Variants in SLC48A1 observed in about 807,000 individuals in gnomAD.
SLC48A1 encodes solute carrier family 48 member 1, also known as heme transporter HRG1.
A neutral mutation model predicts 14.8 loss-of-function variants in SLC48A1; 6 were observed. The ratio of observed to expected loss-of-function variants is 0.41; its 90% CI spans 0.22 to 0.80. The LOEUF (loss-of-function observed/expected upper bound fraction) is 0.80. Ranked by LOEUF, SLC48A1 falls within the 30% of genes least tolerant of loss-of-function variation. The pLI, the probability that SLC48A1 is intolerant of heterozygous loss-of-function variation, is 0.34. For missense variants in SLC48A1, 165 were observed against 204.8 expected, an observed-to-expected ratio of 0.81 and a Z score of 1.19; for synonymous variants, 89 against 90.0, an observed-to-expected ratio of 0.99 and a Z score of 0.06.
intron 1 of SLC48A1, chr12:47,759,199 A>C: frequency 2.6e-6 from 2 of 761,746 alleles, no homozygotes; most frequent in Non-Finnish European, 3.2e-6. Context: ...AATGCAAACA[A>C]GGAAACCGGG....
At chr12:47,757,586 C>A (rs1042818352), upstream of SLC48A1, among the ~76,000 whole-genome samples, 3 of 152,218 alleles carry the variant, frequency 2.0e-5, no homozygotes, top group Non-Finnish European at 2.9e-5. Context: ...TCAATGCCGG[C>A]TCACTGAGGT....
At chr12:47,755,107 T>G (rs535001348), upstream of SLC48A1, among the ~76,000 whole-genome samples, 32 of 152,244 alleles carry the variant, frequency 2.1e-4, no homozygotes, top group South Asian at 6.4e-3. Context: ...GTGTTACTGT[T>G]CGTAGCAAGA....
At chr12:47,767,200 G>C (rs960625715), upstream of SLC48A1, among the ~76,000 whole-genome samples, 2 of 151,882 alleles carry the variant, frequency 1.3e-5, no homozygotes, top group Admixed American at 1.3e-4. Context: ...GGGGTGGGGG[G>C]GTGGAGGGGC....
upstream of SLC48A1, among the ~76,000 whole-genome samples, chr12:47,772,905 A>C (rs1336282537): frequency 6.6e-6 from 1 of 152,202 alleles, no homozygotes; most frequent in African/African-American, 2.4e-5. Flanking sequence ...TTAACAAGAA[A>C]TTTTAATTTT....
intron 1 of SLC48A1, among the ~76,000 whole-genome samples, chr12:47,773,907 G>T (rs1942685500): frequency 6.6e-6 from 1 of 152,268 alleles, no homozygotes; most frequent in African/African-American, 2.4e-5. Context: ...AGGGCAGAGA[G>T]GGAAGAAGTG....
chr12:47,776,389 T>C (rs3782906), intron 1 of SLC48A1, among the ~76,000 whole-genome samples: 124,153 of 152,186 alleles, frequency 0.82, 51,009 homozygotes, highest in East Asian at 0.92. Context: ...CCGAGTTTTA[T>C]AAACCAGGCT....
At chr12:47,766,117 G>A (rs1274209281) in intron 2 of SLC48A1, among the ~76,000 whole-genome samples, 2 of 152,192 alleles carry the variant, frequency 1.3e-5, no homozygotes, top group Admixed American at 1.3e-4. Context: ...ACAGGTAAGA[G>A]CCTTATTTCT....
Position 47,775,536 on chromosome 12 carries a change from C to T in SLC48A1, c.136+2096C>T, listed in dbSNP as rs775990960. Among the ~76,000 whole-genome samples, 19 of 152,204 alleles carry T rather than the reference C, an allele frequency of 1.2e-4. No individual in the cohort carries two copies. In the South Asian group the frequency reaches 1.7e-3, roughly 13 times the overall value. Reference sequence around the variant, plus strand: ...AGAGGGGTTGCCAAGCCTGGGCCTCCGACCTTCCCCACCATGAGTGAGTTC... The same window carrying T: ...AGAGGGGTTGCCAAGCCTGGGCCTCTGACCTTCCCCACCATGAGTGAGTTC... On this transcript the variant is annotated intron_variant, in intron 1 of 2. Transcript: ENST00000442218.
At chr12:47,766,720 G>T (rs909000262), upstream of SLC48A1, among the ~76,000 whole-genome samples, 3 of 152,062 alleles carry the variant, frequency 2.0e-5, no homozygotes, top group Non-Finnish European at 2.9e-5. Context: ...AAGACCTGCT[G>T]TTTCCACTCA....
upstream of SLC48A1, chr12:47,758,426 T>TA (rs1266585694): frequency 1.9e-6 from 3 of 1,557,324 alleles, no homozygotes; most frequent in African/African-American, 2.7e-5. Context: ...AGCTTCGGCT[T>TA]AAACCCTTCT....
rs550938354 is a variant in SLC48A1 at position 47,762,487 on chromosome 12, C to T, written c.-187+2086C>T. On this transcript the variant is annotated intron_variant, in intron 2 of 4. Transcript: ENST00000547002. ...TCCCACATCCAGCCAGCCACCAAGT[C>T]GGCTTGATTCAACCAGTGAAGCATC... Among the ~76,000 whole-genome samples the T allele has an allele frequency of 3.9e-4, 59 of 152,324 alleles. 1 individual carries two copies. Among genetic ancestry groups the T allele is most frequent in the African/African-American group, 1.3e-3 (52 of 41,574 alleles).
chr12:47,777,282 G>A lies in SLC48A1; in HGVS notation c.137-1746G>A, dbSNP rs1165625937. Among the ~76,000 whole-genome samples, 1 of 152,200 alleles carries A rather than the reference G, an allele frequency of 6.6e-6. No homozygotes were observed. The highest frequency in any genetic ancestry group is 1.5e-5 in the Non-Finnish European group (1 of 68,022). On this transcript the variant is annotated intron_variant, in intron 1 of 2. Transcript: ENST00000442218. This position sits in a 1 kb window ranked among gnomAD's most constrained non-coding sequence, Gnocchi z 4.5. ...CTTGTCCTGGCCCACCCTGATCTCAGTAGGAGGGGGACCCACATTCCAGGC... is the reference window on the plus strand; with the variant it reads ...CTTGTCCTGGCCCACCCTGATCTCAATAGGAGGGGGACCCACATTCCAGGC...
chr12:47,773,807 C>G (rs542755634), intron 1 of SLC48A1, among the ~76,000 whole-genome samples: 30 of 138,794 alleles, frequency 2.2e-4, no homozygotes, highest in Non-Finnish European at 4.8e-4. Context: ...CTCCTATCCC[C>G]AAACACACAC....
chr12:47,758,828 T>G, intron 1 of SLC48A1: 1 of 1,217,996 alleles, frequency 8.2e-7, no homozygotes, highest in Non-Finnish European at 1.0e-6. Context: ...GCCTGCGCCT[T>G]CGTCTCAGAC....
intron 1 of SLC48A1, among the ~76,000 whole-genome samples, chr12:47,775,131 G>C (rs1175527903): frequency 6.6e-6 from 1 of 152,168 alleles, no homozygotes; most frequent in Non-Finnish European, 1.5e-5. Context: ...AGTGGGAGGA[G>C]ATGTCCCCAA....
chr12:47,760,598 T>A (rs12821281), intron 2 of SLC48A1, among the ~76,000 whole-genome samples: 1 of 152,078 alleles, frequency 6.6e-6, no homozygotes, highest in Non-Finnish European at 1.5e-5. Context: ...GACACTTGTA[T>A]ACATTTCAGC....
intron 1 of SLC48A1, among the ~76,000 whole-genome samples, chr12:47,776,185 C>A (rs1942749576): frequency 6.6e-6 from 1 of 152,192 alleles, no homozygotes; most frequent in African/African-American, 2.4e-5. Context: ...TGTCTCCTCA[C>A]CTCCAGCCCA....
intron 1 of SLC48A1, chr12:47,759,273 T>G: frequency 4.1e-6 from 1 of 243,078 alleles, no homozygotes; most frequent in Non-Finnish European, 6.6e-6. Flanking sequence ...CTGGGGCCGC[T>G]TCCCGGCTGG....
chr12:47,782,700 T>TG lies in SLC48A1; in HGVS notation c.*2425dup, dbSNP rs969619342. 1.3e-5 allele frequency: 2 copies of TG among 152,288 alleles called. No individual in the cohort carries two copies. The highest frequency in any genetic ancestry group is 6.5e-5 in the Admixed American group (1 of 15,290). 9.4% of individuals were successfully genotyped at this position (152,288 alleles called of 1,614,324 possible). A position where few individuals can be genotyped will look rare whatever the true frequency, so the allele number is the denominator to read the frequency against. Reference sequence around the variant, plus strand: ...CGCTTGACGGCGCACTGCTCACTTCTGGGGGGCCCTTTCAGAGGCACTTTT... The same window carrying TG: ...CGCTTGACGGCGCACTGCTCACTTCTGGGGGGGCCCTTTCAGAGGCACTTTT... On this transcript the variant is annotated 3_prime_UTR_variant, in exon 3 of 3. Transcript: ENST00000442218.
Sources: gnomAD v4.1 joint callset for allele counts (sites outside exome capture counted in the v4.1 genomes callset) on GRCh38, gnomAD v4.1.1 for gene constraint, Gnocchi (gnomAD v3.1) non-coding constraint, MANE v1.5 for transcripts, NCBI Gene and HGNC (gene_info 2026-07-23, HGNC 2026-07-21) for gene names.